Variants in ST6GALNAC3 observed in about 807,000 individuals in gnomAD.
ST6GALNAC3 encodes the protein ST6 N-acetylgalactosaminide alpha-2,6-sialyltransferase 3.
ST6GALNAC3 carries 25 observed loss-of-function variants against 32.7 expected under a neutral mutation model. That is an observed-to-expected ratio of 0.76 (90% CI 0.56 to 1.07). The LOEUF is 1.07. ST6GALNAC3 is among the 50% of genes least tolerant of loss of function. The pLI, the probability that ST6GALNAC3 is intolerant of heterozygous loss-of-function variation, is 0.00. For synonymous variants in ST6GALNAC3, 129 were observed against 133.1 expected, an observed-to-expected ratio of 0.97 and a Z score of 0.21; for missense variants, 355 against 382.4, an observed-to-expected ratio of 0.93 and a Z score of 0.60.
At chr1:76,595,086 G>C (rs1164906282) in intron 3 of ST6GALNAC3, among the ~76,000 whole-genome samples, 1 of 152,128 alleles carries the variant, frequency 6.6e-6, no homozygotes, top group Non-Finnish European at 1.5e-5. Context: ...ATGGATGAAA[G>C]GGGTACTCAG....
At chr1:76,122,986 A>T (rs1383902155) in intron 1 of ST6GALNAC3, among the ~76,000 whole-genome samples, 1 of 152,178 alleles carries the variant, frequency 6.6e-6, no homozygotes, top group Non-Finnish European at 1.5e-5. Flanking sequence ...ATTTATTAGA[A>T]ATGCAGAATC....
intron 3 of ST6GALNAC3, among the ~76,000 whole-genome samples, chr1:76,611,518 G>A (rs1439332663): frequency 6.6e-6 from 1 of 152,098 alleles, no homozygotes; most frequent in East Asian, 1.9e-4. Context: ...CAACAGCAAA[G>A]TGGTTCCCTC....
intron 1 of ST6GALNAC3, among the ~76,000 whole-genome samples, chr1:76,285,607 C>T (rs970178255): frequency 1.4e-5 from 2 of 143,494 alleles, no homozygotes; most frequent in African/African-American, 5.3e-5. Context: ...CCAATGTAGT[C>T]CTAAAATATG....
Position 76,074,946 on chromosome 1 carries a change from C to A in ST6GALNAC3, c.18+62C>A, listed in dbSNP as rs766881365. 4 of 1,557,276 alleles carry A rather than the reference C, an allele frequency of 2.6e-6. No individual in the cohort carries two copies. In the South Asian group the frequency reaches 4.7e-5, roughly 18 times the overall value. Reference sequence around the variant, plus strand: ...GCCAGCCCCTTGCTGCTCAGAGGCACGGAGTCAGCCGCGGTCCCACCGCAT... The same window carrying A: ...GCCAGCCCCTTGCTGCTCAGAGGCAAGGAGTCAGCCGCGGTCCCACCGCAT... On this transcript the variant is annotated intron_variant, in intron 1 of 4. Coordinates refer to ENST00000328299, the MANE Select transcript of ST6GALNAC3 (RefSeq NM_152996.4).
intron 2 of ST6GALNAC3, among the ~76,000 whole-genome samples, chr1:76,405,710 G>T (rs1260326809): frequency 6.6e-6 from 1 of 151,896 alleles, no homozygotes; most frequent in Admixed American, 6.6e-5. Flanking sequence ...CTGAGTCAAC[G>T]AGAGGTGAAA....
intron 3 of ST6GALNAC3, among the ~76,000 whole-genome samples, chr1:76,479,849 A>T (rs1224879772): frequency 2.6e-5 from 4 of 152,194 alleles, no homozygotes; most frequent in African/African-American, 7.2e-5. Flanking sequence ...ATTTACATTT[A>T]AAAAAAGTAA....
At chr1:76,247,243 T>G (rs1657314559) in intron 1 of ST6GALNAC3, among the ~76,000 whole-genome samples, 1 of 152,194 alleles carries the variant, frequency 6.6e-6, no homozygotes, top group African/African-American at 2.4e-5. Flanking sequence ...TATCGACCCC[T>G]GTCAGGAGGT....
intron 3 of ST6GALNAC3, among the ~76,000 whole-genome samples, chr1:76,534,088 G>C (rs1213206091): frequency 6.6e-6 from 1 of 151,652 alleles, no homozygotes; most frequent in African/African-American, 2.4e-5. Context: ...TGTTGCCCAG[G>C]CTGGAGTGCA....
At chr1:76,107,911 G>T (rs1335739) in intron 1 of ST6GALNAC3, among the ~76,000 whole-genome samples, 1,653 of 152,190 alleles carry the variant, frequency 0.011, 35 homozygotes, top group African/African-American at 0.038. Context: ...GCATTTTGTC[G>T]GTAGACATTT....
intron 1 of ST6GALNAC3, among the ~76,000 whole-genome samples, chr1:76,137,130 G>C (rs535587370): frequency 6.6e-6 from 1 of 152,302 alleles, no homozygotes; most frequent in East Asian, 1.9e-4. Context: ...TCACTTTACT[G>C]TCCCCTGCTC....
chr1:76,488,147 G>C (rs913359530), intron 3 of ST6GALNAC3, among the ~76,000 whole-genome samples: 2 of 152,178 alleles, frequency 1.3e-5, no homozygotes, highest in Non-Finnish European at 2.9e-5. Flanking sequence ...GCTAGGGCCT[G>C]GTGGAAGGTG....
At chr1:76,569,690 T>A (rs571520624) in intron 3 of ST6GALNAC3, among the ~76,000 whole-genome samples, 1 of 152,256 alleles carries the variant, frequency 6.6e-6, no homozygotes, top group African/African-American at 2.4e-5. Flanking sequence ...AATTTCTTCC[T>A]GCTTATTCTC....
At chr1:76,414,551 A>G (rs944397467) in intron 3 of ST6GALNAC3, among the ~76,000 whole-genome samples, 45 of 152,112 alleles carry the variant, frequency 3.0e-4, no homozygotes, top group African/African-American at 9.7e-4. Context: ...TTCATTGTCA[A>G]ATTTCAAACT....
intron 1 of ST6GALNAC3, among the ~76,000 whole-genome samples, chr1:76,283,705 T>C (rs1298870206): frequency 2.0e-5 from 3 of 152,250 alleles, no homozygotes; most frequent in Non-Finnish European, 2.9e-5. Flanking sequence ...CTGTTTTTCC[T>C]AAGTTTCCTA....
downstream of ST6GALNAC3, chr1:76,637,302 C>T (rs1188931851): frequency 1.3e-5 from 2 of 151,714 alleles, no homozygotes; most frequent in South Asian, 2.1e-4. Context: ...CTTAGTCAGT[C>T]ATGTTTTCCT....
At chr1:76,587,683 G>A (rs563147870) in intron 3 of ST6GALNAC3, among the ~76,000 whole-genome samples, 26 of 152,186 alleles carry the variant, frequency 1.7e-4, no homozygotes, top group Non-Finnish European at 2.8e-4. Context: ...AAAGCATCCC[G>A]TCAAGTTCTG....
intron 3 of ST6GALNAC3, among the ~76,000 whole-genome samples, chr1:76,478,134 C>T (rs889392246): frequency 4.6e-5 from 7 of 152,118 alleles, no homozygotes; most frequent in Non-Finnish European, 1.0e-4. Context: ...CATGAACATG[C>T]ACAGTCCTGT....
At chr1:76,452,835 C>A in intron 3 of ST6GALNAC3, among the ~76,000 whole-genome samples, 1 of 152,022 alleles carries the variant, frequency 6.6e-6, no homozygotes. Flanking sequence ...TATCTTATGG[C>A]ATAGTGTCAG....
intron 1 of ST6GALNAC3, among the ~76,000 whole-genome samples, chr1:76,102,235 TTGTGTGTGTGTG>T (rs60454163): frequency 1.4e-5 from 2 of 147,424 alleles, no homozygotes; most frequent in East Asian, 2.0e-4. Flanking sequence ...CCTGGTGTGT[TTGTGTGTGTGTG>T]TGTGTGTGTG....
Sources: gnomAD v4.1 joint callset for allele counts (sites outside exome capture counted in the v4.1 genomes callset) on GRCh38, gnomAD v4.1.1 for gene constraint, MANE v1.5 for transcripts, NCBI Gene and HGNC (gene_info 2026-07-23, HGNC 2026-07-21) for gene names.